Variants in AIDA observed in about 807,000 individuals in gnomAD.
AIDA encodes the protein axin interactor, dorsalization associated.
A neutral mutation model predicts 42.7 loss-of-function variants in AIDA; 18 were observed. The ratio of observed to expected loss-of-function variants is 0.42; its 90% confidence interval spans 0.29 to 0.63. The LOEUF (loss-of-function observed/expected upper bound fraction) is 0.63, where lower values mean the gene tolerates loss of function less well. Among genes scored for constraint, AIDA ranks in the 20% least tolerant of loss-of-function variants. The pLI is 0.19. For missense variants in AIDA, 250 were observed against 354.1 expected (o/e 0.71, Z 2.36); for synonymous variants, 104 against 122.9 (o/e 0.85, Z 1.02).
At chr1:222,687,533 A>C in intron 5 of AIDA, 62 bp downstream of exon 5, 1 of 1,372,018 alleles carries the variant, frequency 7.3e-7, no homozygotes, top group Non-Finnish European at 9.9e-7. Flanking sequence ...AAGAAAACCC[A>C]GAACTATCTG....
chr1:222,700,484 G>A (rs1342241389), intron 2 of AIDA, among the ~76,000 whole-genome samples: 2 of 152,112 alleles, frequency 1.3e-5, no homozygotes, highest in South Asian at 2.1e-4. Context: ...CGGGCCGGGC[G>A]CGGTGGCTCA....
In AIDA at chr1:222,676,087, G is replaced by A; in HGVS notation, c.583+9C>T. ...ACCTGAGAAAAAAAAAGTAAACAGAGTCACTTACCCTTTACACTAACTGTA... is the reference window on the plus strand; with the variant it reads ...ACCTGAGAAAAAAAAAGTAAACAGAATCACTTACCCTTTACACTAACTGTA... On this transcript the variant is annotated intron_variant, in intron 7 of 9. Coordinates refer to ENST00000340020, the MANE Select transcript of AIDA (RefSeq NM_022831.4). The A allele has an allele frequency of 6.5e-7, 1 of 1,532,008 alleles. No homozygotes were observed. Among genetic ancestry groups the A allele is most frequent in the Non-Finnish European group, 8.7e-7 (1 of 1,145,524 alleles). 94.9% of individuals were successfully genotyped at this position (1,532,008 alleles called of 1,614,324 possible).
Position 222,687,160 on chromosome 1 carries a change from T to C in AIDA, c.354-124A>G. 2.1e-6 allele frequency: 3 copies of C among 1,454,426 alleles called. No individual in the cohort carries two copies. In the East Asian group the frequency reaches 7.5e-5, roughly 36 times the overall value. The allele number at this position is 1,454,426 out of a possible 1,614,324, so 90.1% of individuals were successfully genotyped here. On this transcript the variant is annotated intron_variant, in intron 5 of 9. Coordinates refer to ENST00000340020, the MANE Select transcript of AIDA (RefSeq NM_022831.4). Reference sequence around the variant, plus strand: ...AAAAATGCTGATAGGCCGGGTGTGGTGGCTCATGCTTGTAATCCTAGCACT... The same window carrying C: ...AAAAATGCTGATAGGCCGGGTGTGGCGGCTCATGCTTGTAATCCTAGCACT...
chr1:222,709,524 A>G (rs1655935644), intron 1 of AIDA, among the ~76,000 whole-genome samples: 1 of 152,236 alleles, frequency 6.6e-6, no homozygotes, highest in African/African-American at 2.4e-5. Flanking sequence ...GATGGGGAGC[A>G]GGAGGTGTGA....
intron 1 of AIDA, among the ~76,000 whole-genome samples, chr1:222,711,074 G>A (rs1250422658): frequency 7.6e-6 from 1 of 131,430 alleles, no homozygotes; most frequent in African/African-American, 3.0e-5. Flanking sequence ...GCCAGAAATC[G>A]TTGTGTGTCG....
At chr1:222,702,361 G>A (rs1655732456) in intron 2 of AIDA, among the ~76,000 whole-genome samples, 1 of 152,014 alleles carries the variant, frequency 6.6e-6, no homozygotes, top group African/African-American at 2.4e-5. Flanking sequence ...TTAAGAGATG[G>A]GGAATAGACT....
intron 8 of AIDA, among the ~76,000 whole-genome samples, chr1:222,671,098 G>A (rs1033447803): frequency 2.6e-5 from 4 of 151,902 alleles, no homozygotes; most frequent in Admixed American, 6.6e-5. Flanking sequence ...TCGGTGGCAC[G>A]TGCCTGTACT....
intron 5 of AIDA, 108 bp downstream of exon 5, chr1:222,687,484 TTGA>T: frequency 1.1e-6 from 1 of 905,190 alleles, no homozygotes; most frequent in Admixed American, 2.9e-5. Context: ...GTTATCATTG[TTGA>T]TGTCAATGAT....
intron 1 of AIDA, chr1:222,712,002 G>A (rs1336648395): frequency 7.5e-6 from 5 of 665,886 alleles, no homozygotes; most frequent in African/African-American, 3.8e-5. Context: ...GGAGAGGGAA[G>A]AAGGCGAGTC....
intron 4 of AIDA, among the ~76,000 whole-genome samples, chr1:222,690,066 G>T (rs1198411905): frequency 6.6e-6 from 1 of 152,212 alleles, no homozygotes; most frequent in East Asian, 1.9e-4. Flanking sequence ...GAGGTTTGTA[G>T]CCTAGGAGCA....
intron 7 of AIDA, 93 bp downstream of exon 7, chr1:222,676,003 C>A: frequency 7.1e-7 from 1 of 1,404,852 alleles, no homozygotes; most frequent in Non-Finnish European, 9.4e-7. Flanking sequence ...ATACATAAGA[C>A]TCCCCGCCCC....
intron 1 of AIDA, 92 bp from the exon 2 acceptor site, chr1:222,703,309 C>G: frequency 1.2e-6 from 1 of 827,528 alleles, no homozygotes; most frequent in Non-Finnish European, 1.8e-6. Flanking sequence ...ATGTGAAGTA[C>G]AATTATTGTC....
chr1:222,702,917 C>T (rs1234206973), intron 2 of AIDA, among the ~76,000 whole-genome samples: 3 of 152,226 alleles, frequency 2.0e-5, no homozygotes, highest in African/African-American at 7.2e-5. Flanking sequence ...CAAAGTTAAG[C>T]AAAGCCTAAA....
At chr1:222,709,656 C>T (rs1655940574) in intron 1 of AIDA, among the ~76,000 whole-genome samples, 2 of 151,900 alleles carry the variant, frequency 1.3e-5, no homozygotes, top group South Asian at 4.1e-4. Context: ...GTGACCCAAA[C>T]AGATAATGGG....
chr1:222,675,479 T>G (rs1664527681), intron 7 of AIDA, among the ~76,000 whole-genome samples: 2 of 152,184 alleles, frequency 1.3e-5, no homozygotes, highest in Admixed American at 6.5e-5. Flanking sequence ...ATCCTAAGAA[T>G]AATCATGCTT....
At chr1:222,687,736 A>T in intron 4 of AIDA, 78 bp from the exon 5 acceptor site, 1 of 1,120,522 alleles carries the variant, frequency 8.9e-7, no homozygotes, top group Non-Finnish European at 1.2e-6. Context: ...ATTAATTTTT[A>T]ATCAATTTTA....
Position 222,679,396 on chromosome 1 carries a change from G to A in AIDA, c.461-3178C>T, listed in dbSNP as rs118152429. 1.5e-3 allele frequency among the ~76,000 whole-genome samples: 230 copies of A among 152,276 alleles called. 6 individuals are homozygous for A. In the South Asian group the frequency reaches 0.021, roughly 14 times the overall value. Reference sequence around the variant, plus strand: ...TCATACATGAGCCATGAAAAACTGCGTGTTTCCAGCTAGATCATTTGCTGT... The same window carrying A: ...TCATACATGAGCCATGAAAAACTGCATGTTTCCAGCTAGATCATTTGCTGT... On this transcript the variant is annotated intron_variant, in intron 6 of 9. Coordinates refer to ENST00000340020, the MANE Select transcript of AIDA (RefSeq NM_022831.4).
intron 1 of AIDA, among the ~76,000 whole-genome samples, chr1:222,709,208 G>C (rs1655925280): frequency 6.6e-6 from 1 of 152,140 alleles, no homozygotes; most frequent in Non-Finnish European, 1.5e-5. Context: ...TGAGGTGGGT[G>C]GATCACGAGG....
chr1:222,709,292 G>A (rs1293899358), intron 1 of AIDA, among the ~76,000 whole-genome samples: 4 of 152,036 alleles, frequency 2.6e-5, no homozygotes, highest in African/African-American at 7.2e-5. Flanking sequence ...TTAGTTGGAC[G>A]TGGTAGTGCG....
Sources: allele counts gnomAD v4.1 joint callset (sites outside exome capture counted in the v4.1 genomes callset), GRCh38; gene constraint gnomAD v4.1.1; transcripts MANE v1.5; gene names NCBI Gene and HGNC (gene_info 2026-07-23, HGNC 2026-07-21).